CCDC88C: variants seen among roughly 807,000 people sequenced by gnomAD.
The protein encoded by CCDC88C is coiled-coil and HOOK domain protein 88C.
In CCDC88C, 131 loss-of-function variants were observed where a neutral mutation model predicts 198.8. That is an observed-to-expected ratio of 0.66 (90% CI 0.57 to 0.76). CCDC88C has a LOEUF of 0.76. Among genes scored for constraint, CCDC88C ranks in the 30% least tolerant of loss-of-function variants. The pLI, the probability that CCDC88C is intolerant of heterozygous loss-of-function variation, is 0.00. For synonymous variants in CCDC88C, 1,166 were observed against 1,114.7 expected, an observed-to-expected ratio of 1.05 and a Z score of -0.92; for missense variants, 2,553 against 2,631.6, an observed-to-expected ratio of 0.97 and a Z score of 0.65.
rs372621845 is a variant in CCDC88C, at chr14:91,313,208, G to A, written c.2608C>T (p.Arg870Cys). The change falls in exon 15 of 30, where the codon CGC becomes TGC. Residue 870 changes from arginine (R) to cysteine (C), a missense_variant. By Grantham distance (180) the Arg-to-Cys change is radical. This residue lies in a region of CCDC88C where 1,260 missense variants were observed against 1,412.0 expected (regional missense o/e 0.89). Transcript: ENST00000389857. The surrounding 1 kb of genome is among the most constrained non-coding windows in gnomAD (Gnocchi z 5.2). ...CGGGCCAGCTCCTTGTCCAGCGCGCGGCTCTCCTTCTCAACGGCGGACAGT... is the reference window on the plus strand; with the variant it reads ...CGGGCCAGCTCCTTGTCCAGCGCGCAGCTCTCCTTCTCAACGGCGGACAGT... ...AKLSAVEKES[R>C]ALDKELARCR... The A allele has an allele frequency of 6.8e-5, 109 of 1,613,760 alleles. No homozygotes were observed. The highest frequency in any genetic ancestry group is 8.7e-5 in the Non-Finnish European group (103 of 1,179,892).
At chr14:91,408,800 T>C in intron 2 of CCDC88C, 33 bp from the exon 3 acceptor site, 2 of 1,431,274 alleles carry the variant, frequency 1.4e-6, no homozygotes, top group Non-Finnish European at 2.0e-6. Context: ...GGAAATTGCA[T>C]CTCCCAGCAG....
rs1451462496 is a variant in CCDC88C at position 91,283,499 on chromosome 14, G to A, written c.4460C>T (p.Pro1487Leu). The stretch of plus-strand genomic sequence containing the variant: ...GCCTCTGTGTGGGGAGCCTCGCTTT[G>A]GTTTTAGATCCCCAGGGCCTGAGGC... ...SVGKGPGDLKPKRGSPHRGSL... is the reference protein window; with the variant it reads ...SVGKGPGDLKLKRGSPHRGSL... Residue 1487 changes from proline (P) to leucine (L), a missense_variant, in exon 26 of 30, where the codon CCA becomes CTA. Physicochemically the swap from Pro to Leu is moderately conservative, Grantham distance 98. Around this residue, in one of 2 missense-constraint regions of CCDC88C, gnomAD observed 1,293 missense variants for 1,219.6 expected, o/e 1.06. Coordinates refer to ENST00000389857, the MANE Select transcript of CCDC88C (RefSeq NM_001080414.4). 1.9e-6 allele frequency: 3 copies of A among 1,610,962 alleles called. No homozygotes were observed. The highest frequency in any genetic ancestry group is 3.4e-5 in the Admixed American group (2 of 59,514).
chr14:91,339,045 G>A lies in CCDC88C; in HGVS notation c.809+233C>T. The stretch of plus-strand genomic sequence containing the variant: ...CTTCTGTGGACAACTTGCACCGTCT[G>A]GACGGGAGGAAACCCTGAAGACCGG... On this transcript the variant is annotated intron_variant, in intron 8 of 29. Coordinates refer to ENST00000389857, the MANE Select transcript of CCDC88C (RefSeq NM_001080414.4). The surrounding 1 kb of genome is among the most constrained non-coding windows in gnomAD (Gnocchi z 5.8). 1 of 626,148 alleles carries A rather than the reference G, an allele frequency of 1.6e-6. No homozygotes were observed. Among genetic ancestry groups the A allele is most frequent in the Non-Finnish European group, 2.9e-6 (1 of 343,028 alleles). 38.8% of individuals were successfully genotyped at this position (626,148 alleles called of 1,614,324 possible).
chr14:91,394,963 G>A (rs1235903839), intron 3 of CCDC88C, among the ~76,000 whole-genome samples: 1 of 152,056 alleles, frequency 6.6e-6, no homozygotes, highest in East Asian at 1.9e-4. Flanking sequence ...CAGACGGGTG[G>A]GCATCCTCCC....
intron 3 of CCDC88C, among the ~76,000 whole-genome samples, chr14:91,374,567 C>G (rs577937488): frequency 2.0e-5 from 3 of 151,502 alleles, no homozygotes; most frequent in African/African-American, 4.9e-5. Flanking sequence ...GCCAGGTGGA[C>G]GGGTGGAACT....
At chr14:91,329,552 G>A (rs1194169381) in intron 10 of CCDC88C, among the ~76,000 whole-genome samples, 2 of 152,170 alleles carry the variant, frequency 1.3e-5, no homozygotes, top group Non-Finnish European at 2.9e-5. Flanking sequence ...TGTGAAGGCT[G>A]AAGCTCACGT....
chr14:91,276,974 T>C (rs1650070902), intron 29 of CCDC88C, among the ~76,000 whole-genome samples: 1 of 151,498 alleles, frequency 6.6e-6, no homozygotes, highest in African/African-American at 2.5e-5. Context: ...TTTATTTTTA[T>C]TTTATTTTTT....
intron 21 of CCDC88C, 34 bp from the exon 22 acceptor site, chr14:91,297,525 G>A (rs1567058695): frequency 1.9e-6 from 3 of 1,546,624 alleles, no homozygotes; most frequent in Non-Finnish European, 1.7e-6. Context: ...CAAAGGAGCT[G>A]AAGAGCCTGA....
intron 13 of CCDC88C, among the ~76,000 whole-genome samples, chr14:91,316,206 G>T (rs1423706988): frequency 1.3e-5 from 2 of 152,100 alleles, no homozygotes; most frequent in South Asian, 4.1e-4. Context: ...ACCAAGCCCT[G>T]TCCTTCTTAC....
At chr14:91,290,617 G>A (rs991063682) in intron 24 of CCDC88C, among the ~76,000 whole-genome samples, 6 of 152,228 alleles carry the variant, frequency 3.9e-5, no homozygotes, top group African/African-American at 1.4e-4. Flanking sequence ...TGGGCCAAGT[G>A]TGCTGCCCAA....
chr14:91,360,290 A>T (rs1011148196), intron 3 of CCDC88C, among the ~76,000 whole-genome samples: 6 of 140,760 alleles, frequency 4.3e-5, no homozygotes, highest in African/African-American at 1.1e-4. Context: ...ACACACACAC[A>T]CTCTTAAATT....
In CCDC88C at chr14:91,291,140, A is replaced by C; in HGVS notation, c.4113-56T>G. The C allele has an allele frequency of 3.9e-6, 4 of 1,033,102 alleles. No individual in the cohort carries two copies. In the South Asian group the frequency reaches 5.5e-5, roughly 14 times the overall value. The allele number at this position is 1,033,102 out of a possible 1,614,324, so 64.0% of individuals were successfully genotyped here. On this transcript the variant is annotated intron_variant, in intron 23 of 29. Coordinates refer to ENST00000389857, the MANE Select transcript of CCDC88C (RefSeq NM_001080414.4). ...ATCCAGTTTTAAATCAAACAAGTGAATTTACTCATCGGCCCAGCCTGGAAC... is the reference window on the plus strand; with the variant it reads ...ATCCAGTTTTAAATCAAACAAGTGACTTTACTCATCGGCCCAGCCTGGAAC...
chr14:91,392,731 C>CCCCCTCACTCTCACCACG (rs1288833034), intron 3 of CCDC88C, among the ~76,000 whole-genome samples: 20 of 149,662 alleles, frequency 1.3e-4, no homozygotes, highest in Admixed American at 6.6e-4. Flanking sequence ...CCTCACTGAG[C>CCCCCTCACTCTCACCACG]CCCCTCACTC....
chr14:91,375,866 C>T (rs138072450), intron 3 of CCDC88C, among the ~76,000 whole-genome samples: 6 of 152,312 alleles, frequency 3.9e-5, no homozygotes, highest in East Asian at 1.9e-4. Flanking sequence ...CATCTTCTTG[C>T]GTTCAATGGG....
At chr14:91,353,265 G>A (rs1444433443) in intron 4 of CCDC88C, among the ~76,000 whole-genome samples, 2 of 152,004 alleles carry the variant, frequency 1.3e-5, no homozygotes, top group African/African-American at 2.4e-5. Context: ...ACCTTTCCTC[G>A]CTTTCTCTGT....
At chr14:91,369,331 G>A (rs570850271) in intron 3 of CCDC88C, among the ~76,000 whole-genome samples, 15 of 152,186 alleles carry the variant, frequency 9.9e-5, no homozygotes, top group Middle Eastern at 3.4e-3. Context: ...CTCAGCTTCC[G>A]AAGTAGCTGG....
At chr14:91,361,436 G>A (rs1224281569) in intron 3 of CCDC88C, among the ~76,000 whole-genome samples, 2 of 152,212 alleles carry the variant, frequency 1.3e-5, no homozygotes, top group Non-Finnish European at 1.5e-5. Context: ...GGCCGAGGCC[G>A]CATGCCAGGA....
intron 3 of CCDC88C, among the ~76,000 whole-genome samples, chr14:91,368,217 A>C (rs1459417196): frequency 6.6e-6 from 1 of 152,166 alleles, no homozygotes; most frequent in Non-Finnish European, 1.5e-5. Context: ...CTGCTCTATC[A>C]CTGCAATGAG....
intron 26 of CCDC88C, 105 bp downstream of exon 26, chr14:91,283,224 C>T: frequency 1.7e-6 from 2 of 1,200,934 alleles, no homozygotes; most frequent in Non-Finnish European, 1.2e-6. Flanking sequence ...CTCACCACCT[C>T]TCAGACTGAG....
Sources: allele counts gnomAD v4.1 joint callset (sites outside exome capture counted in the v4.1 genomes callset), GRCh38; gene constraint gnomAD v4.1.1; regional missense constraint gnomAD v4.1.1; non-coding constraint Gnocchi (gnomAD v3.1); transcripts MANE v1.5; gene names NCBI Gene and HGNC (gene_info 2026-07-23, HGNC 2026-07-21).